Variants in CNTN5 observed in about 807,000 individuals in gnomAD.
CNTN5 encodes the protein contactin 5.
A neutral mutation model predicts 129.1 loss-of-function variants in CNTN5; 77 were observed. The observed-to-expected ratio is 0.60, with a 90% CI of 0.50 to 0.72. The LOEUF (loss-of-function observed/expected upper bound fraction) is 0.72, where lower values mean the gene tolerates loss of function less well. Ranked by LOEUF, CNTN5 falls within the 30% of genes least tolerant of loss-of-function variation. The probability of loss-of-function intolerance (pLI) is 0.00; values close to 1 mark genes in which losing one functional copy is unlikely to be tolerated. For synonymous variants in CNTN5, 509 were observed against 465.6 expected, an observed-to-expected ratio of 1.09 and a Z score of -1.20; for missense variants, 1,478 against 1,328.8, an observed-to-expected ratio of 1.11 and a Z score of -1.75.
intron 3 of CNTN5, among the ~76,000 whole-genome samples, chr11:99,616,480 T>C (rs184081542): frequency 6.6e-6 from 1 of 152,304 alleles, no homozygotes; most frequent in African/African-American, 2.4e-5. Flanking sequence ...GAAATTGCTA[T>C]GATGTTTGTC....
At chr11:99,858,310 A>G (rs1052083826) in intron 6 of CNTN5, among the ~76,000 whole-genome samples, 6 of 152,146 alleles carry the variant, frequency 3.9e-5, no homozygotes, top group African/African-American at 1.2e-4. Flanking sequence ...AACATAGTAA[A>G]TCATCCACCT....
chr11:99,026,038 C>T (rs1277914436), intron 1 of CNTN5, among the ~76,000 whole-genome samples: 1 of 151,526 alleles, frequency 6.6e-6, no homozygotes, highest in Non-Finnish European at 1.5e-5. Context: ...CTAAACTAGA[C>T]AAAATCCCTG....
At chr11:99,219,181 G>A (rs2090486943) in intron 1 of CNTN5, among the ~76,000 whole-genome samples, 2 of 151,872 alleles carry the variant, frequency 1.3e-5, no homozygotes, top group South Asian at 4.1e-4. Context: ...ATACAATAAT[G>A]AACAGATAAG....
intron 2 of CNTN5, among the ~76,000 whole-genome samples, chr11:99,503,294 G>T (rs180921271): frequency 6.6e-6 from 1 of 152,170 alleles, no homozygotes; most frequent in East Asian, 1.9e-4. Context: ...CATCCCTTTG[G>T]GTTGTCAAAA....
chr11:99,120,380 T>A (rs1295039233), intron 1 of CNTN5: 1 of 152,194 alleles, frequency 6.6e-6, no homozygotes, highest in African/African-American at 2.4e-5. Flanking sequence ...ATAAAGGATA[T>A]ACGAGTGGCT....
intron 1 of CNTN5, among the ~76,000 whole-genome samples, chr11:99,122,972 T>C (rs2135412562): frequency 6.6e-6 from 1 of 152,306 alleles, no homozygotes; most frequent in African/African-American, 2.4e-5. Flanking sequence ...TGATTTTTTG[T>C]CTTTGCTGTC....
At chr11:99,231,667 G>A (rs1565422441) in intron 1 of CNTN5, among the ~76,000 whole-genome samples, 4 of 152,050 alleles carry the variant, frequency 2.6e-5, no homozygotes, top group Admixed American at 2.0e-4. Context: ...GATCCCATTT[G>A]TCAACTTTTG....
chr11:100,256,050 T>C (rs2138727600), intron 17 of CNTN5, 132 bp downstream of exon 17: 1 of 791,172 alleles, frequency 1.3e-6, no homozygotes, highest in East Asian at 2.7e-5. Flanking sequence ...ATATTGACAA[T>C]TCTTTGCTTC....
chr11:100,245,574 A>G (rs1334920563), intron 16 of CNTN5, among the ~76,000 whole-genome samples: 2 of 152,104 alleles, frequency 1.3e-5, no homozygotes, highest in Non-Finnish European at 2.9e-5. Flanking sequence ...GGAGTCAACC[A>G]CAAAGTCTAC....
At chr11:99,836,534 G>A (rs992271320) in intron 4 of CNTN5, among the ~76,000 whole-genome samples, 5 of 152,026 alleles carry the variant, frequency 3.3e-5, no homozygotes, top group South Asian at 2.1e-4. Context: ...TCTTAATCCA[G>A]TCTATCATTG....
At chr11:99,764,387 C>A (rs1272736639) in intron 3 of CNTN5, among the ~76,000 whole-genome samples, 1 of 151,592 alleles carries the variant, frequency 6.6e-6, no homozygotes, top group Non-Finnish European at 1.5e-5. Context: ...AAAGAAGAAA[C>A]ACTGGAAATC....
chr11:100,340,694 A>ATC (rs1952139415), intron 22 of CNTN5, 45 bp downstream of exon 22: 1 of 1,504,016 alleles, frequency 6.6e-7, no homozygotes, highest in African/African-American at 1.4e-5. Flanking sequence ...AAGGGGAAAC[A>ATC]TCGTATAACA....
chr11:99,591,504 AT>A (rs1949979185), intron 3 of CNTN5, among the ~76,000 whole-genome samples: 1 of 151,376 alleles, frequency 6.6e-6, no homozygotes, highest in African/African-American at 2.4e-5. Context: ...TGCCCGGCTA[AT>A]TTTTTTGTAT....
chr11:100,028,823 A>G (rs187791606), intron 9 of CNTN5, among the ~76,000 whole-genome samples: 20 of 152,338 alleles, frequency 1.3e-4, no homozygotes, highest in South Asian at 6.2e-4. Flanking sequence ...TGTTAGTTCT[A>G]TCTTTCCCAA....
chr11:99,187,390 C>T (rs550567824), intron 1 of CNTN5, among the ~76,000 whole-genome samples: 23 of 151,180 alleles, frequency 1.5e-4, no homozygotes, highest in Non-Finnish European at 2.8e-4. Context: ...TATTTTAATA[C>T]AAATTACAAT....
intron 2 of CNTN5, among the ~76,000 whole-genome samples, chr11:99,500,393 A>G (rs1946383517): frequency 1.3e-5 from 2 of 152,308 alleles, no homozygotes; most frequent in Admixed American, 6.5e-5. Flanking sequence ...AACAAATGAG[A>G]TCTGAAGAGC....
At chr11:99,644,289 T>C (rs1001358147) in intron 3 of CNTN5, among the ~76,000 whole-genome samples, 2 of 152,152 alleles carry the variant, frequency 1.3e-5, no homozygotes, top group South Asian at 4.1e-4. Context: ...TTTGAACACA[T>C]ATGTGAAGAA....
At chr11:99,268,840 G>A (rs1182558705) in intron 1 of CNTN5, among the ~76,000 whole-genome samples, 1 of 151,934 alleles carries the variant, frequency 6.6e-6, no homozygotes, top group Non-Finnish European at 1.5e-5. Flanking sequence ...AAAGGCCATG[G>A]TATTTAGATG....
intron 8 of CNTN5, among the ~76,000 whole-genome samples, chr11:99,986,363 T>G (rs144844760): frequency 6.0e-4 from 92 of 152,310 alleles, no homozygotes; most frequent in Non-Finnish European, 1.0e-3. Flanking sequence ...GAACACCGAT[T>G]TTGCCTTAAC....
Sources: gnomAD v4.1 joint callset for allele counts (sites outside exome capture counted in the v4.1 genomes callset) on GRCh38, gnomAD v4.1.1 for gene constraint, MANE v1.5 for transcripts, NCBI Gene and HGNC (gene_info 2026-07-23, HGNC 2026-07-21) for gene names.